The following SORCS3 variants were observed in gnomAD, a reference collection of about 807,000 sequenced individuals.
The protein encoded by SORCS3 is VPS10 domain-containing receptor SorCS3.
Under a neutral mutation model 146.3 loss-of-function variants are expected in SORCS3, and 57 were observed. The observed-to-expected ratio is 0.39, with a 90% CI of 0.31 to 0.49. The LOEUF (loss-of-function observed/expected upper bound fraction) is 0.49, where lower values mean the gene tolerates loss of function less well. SORCS3 is among the 20% of genes least tolerant of loss of function. The probability of loss-of-function intolerance (pLI) is 0.92; values close to 1 mark genes in which losing one functional copy is unlikely to be tolerated. For synonymous variants in SORCS3, 653 were observed against 618.5 expected, an observed-to-expected ratio of 1.06 and a Z score of -0.83; for missense variants, 1,341 against 1,575.5, an observed-to-expected ratio of 0.85 and a Z score of 2.52.
intron 1 of SORCS3, among the ~76,000 whole-genome samples, chr10:104,770,075 A>G (rs985815510): frequency 2.0e-5 from 3 of 152,186 alleles, no homozygotes; most frequent in Admixed American, 6.5e-5. Flanking sequence ...ATATCCAACT[A>G]TTAAAAAGTT....
chr10:104,807,212 C>T lies in SORCS3; in HGVS notation c.628-35580C>T, dbSNP rs932708702. 4.0e-5 allele frequency among the ~76,000 whole-genome samples: 6 copies of T among 151,452 alleles called. No individual in the cohort carries two copies. In the South Asian group the frequency reaches 6.3e-4, roughly 16 times the overall value. On this transcript the variant is annotated intron_variant, in intron 1 of 26. Transcript: ENST00000369701. Reference sequence around the variant, plus strand: ...GTGTGTGTGCGCATGTGTGTGTGTGCGTGTGTGTGCATGCATGCGTGCGCA... The same window carrying T: ...GTGTGTGTGCGCATGTGTGTGTGTGTGTGTGTGTGCATGCATGCGTGCGCA...
intron 4 of SORCS3, among the ~76,000 whole-genome samples, chr10:104,995,162 C>CT (rs1260330772): frequency 1.5e-3 from 187 of 121,850 alleles, no homozygotes; most frequent in African/African-American, 6.2e-3. Flanking sequence ...TTCTTTCTTT[C>CT]TCTTTTTTTT....
chr10:104,641,313 G>T lies in SORCS3; in HGVS notation c.-15G>T, dbSNP rs1373316880. On this transcript the variant is annotated 5_prime_UTR_variant, in exon 1 of 27. Transcript: ENST00000369701. This position sits in a 1 kb window ranked among gnomAD's most constrained non-coding sequence, Gnocchi z 6.4. ...CCACACACTCGGCAGCCCGAGCCGC[G>T]GTAGCCGCAGCGGGATGGAGGCGGC... is the stretch of plus-strand genomic sequence containing the variant. 1.6e-6 allele frequency: 2 copies of T among 1,282,798 alleles called. No homozygotes were observed. Among genetic ancestry groups the T allele is most frequent in the Non-Finnish European group, 2.0e-6 (2 of 1,018,398 alleles). 79.5% of individuals were successfully genotyped at this position (1,282,798 alleles called of 1,614,324 possible).
chr10:105,097,946 T>A (rs1288430414), intron 6 of SORCS3, among the ~76,000 whole-genome samples: 1 of 152,216 alleles, frequency 6.6e-6, no homozygotes, highest in Non-Finnish European at 1.5e-5. Context: ...CCGTCCTTTG[T>A]TTTCTTCTCA....
chr10:104,831,795 C>T (rs1383482296), intron 1 of SORCS3, among the ~76,000 whole-genome samples: 1 of 152,086 alleles, frequency 6.6e-6, no homozygotes, highest in Non-Finnish European at 1.5e-5. Flanking sequence ...TGCTGGGTCA[C>T]AGAACAGTCA....
intron 1 of SORCS3, among the ~76,000 whole-genome samples, chr10:104,827,377 A>G (rs1038202387): frequency 6.6e-6 from 1 of 152,218 alleles, no homozygotes; most frequent in Admixed American, 6.5e-5. Flanking sequence ...GATAGCAGGC[A>G]TAAAAACAAC....
intron 4 of SORCS3, among the ~76,000 whole-genome samples, chr10:105,015,825 G>A (rs2055162079): frequency 6.6e-6 from 1 of 151,962 alleles, no homozygotes; most frequent in South Asian, 2.1e-4. Context: ...CACCTCCCGG[G>A]TTTAAGCGAT....
At chr10:105,115,040 C>T (rs1038221577) in intron 7 of SORCS3, among the ~76,000 whole-genome samples, 1 of 152,016 alleles carries the variant, frequency 6.6e-6, no homozygotes, top group Non-Finnish European at 1.5e-5. Context: ...CTTGTTGAGC[C>T]CTAGAAGTAT....
At chr10:104,824,027 G>A (rs148237568) in intron 1 of SORCS3, among the ~76,000 whole-genome samples, 78 of 152,268 alleles carry the variant, frequency 5.1e-4, no homozygotes, top group African/African-American at 1.6e-3. Flanking sequence ...AACTGTAGAA[G>A]CTGGGAAAAG....
chr10:104,943,218 C>A (rs2019337799), intron 3 of SORCS3, among the ~76,000 whole-genome samples: 2 of 152,142 alleles, frequency 1.3e-5, no homozygotes, highest in South Asian at 4.1e-4. Flanking sequence ...CAACATCCGC[C>A]TCTTAAGTTC....
chr10:104,739,057 C>T (rs1172980599), intron 1 of SORCS3, among the ~76,000 whole-genome samples: 1 of 152,106 alleles, frequency 6.6e-6, no homozygotes, highest in African/African-American at 2.4e-5. Context: ...ACAAGGAAGC[C>T]ATTGGCTATG....
chr10:104,855,609 T>C (rs1323901414), intron 2 of SORCS3, among the ~76,000 whole-genome samples: 1 of 152,224 alleles, frequency 6.6e-6, no homozygotes, highest in Non-Finnish European at 1.5e-5. Flanking sequence ...TTAATTTCAG[T>C]TTTCACATAT....
chr10:105,097,876 A>T (rs2055757701), intron 6 of SORCS3, among the ~76,000 whole-genome samples: 1 of 152,182 alleles, frequency 6.6e-6, no homozygotes, highest in Non-Finnish European at 1.5e-5. Context: ...TGGGCAAAAC[A>T]TTCGAAGCAT....
intron 5 of SORCS3, among the ~76,000 whole-genome samples, chr10:105,085,441 G>C (rs1048047048): frequency 6.6e-6 from 1 of 152,214 alleles, no homozygotes; most frequent in African/African-American, 2.4e-5. Context: ...GGACAGAGCA[G>C]TTTTGAAGTA....
chr10:105,053,469 C>T (rs1256090662), intron 5 of SORCS3, among the ~76,000 whole-genome samples: 1 of 151,710 alleles, frequency 6.6e-6, no homozygotes, highest in Admixed American at 6.6e-5. Flanking sequence ...CACAATATAT[C>T]TCATAATCAT....
chr10:105,218,412 A>C (rs1589693558), intron 19 of SORCS3, among the ~76,000 whole-genome samples: 1 of 152,298 alleles, frequency 6.6e-6, no homozygotes, highest in East Asian at 1.9e-4. Context: ...TGTGCAAGGC[A>C]CTCTGCTAGG....
chr10:104,673,541 G>A (rs1030334542), intron 1 of SORCS3, among the ~76,000 whole-genome samples: 5 of 151,860 alleles, frequency 3.3e-5, no homozygotes, highest in African/African-American at 1.2e-4. Context: ...ATAGCTCACT[G>A]CAGCCTTGAA....
chr10:104,763,035 G>A (rs774425732), intron 1 of SORCS3, among the ~76,000 whole-genome samples: 3 of 152,174 alleles, frequency 2.0e-5, no homozygotes, highest in Non-Finnish European at 2.9e-5. Flanking sequence ...TGTACAGCCA[G>A]AAGTGAGAAC....
rs2055777689 is a variant in SORCS3 at position 105,100,658 on chromosome 10, A to G, written c.1094-4739A>G. Reference sequence around the variant, plus strand: ...TCCGAACATCCATTGCACTTAAGGTAAACGATGATTTAAATTCAGAATATG... The same window carrying G: ...TCCGAACATCCATTGCACTTAAGGTGAACGATGATTTAAATTCAGAATATG... On this transcript the variant is annotated intron_variant, in intron 6 of 26. Transcript: ENST00000369701. Among the ~76,000 whole-genome samples the G allele has an allele frequency of 2.6e-5, 4 of 152,368 alleles. No individual in the cohort carries two copies. In the South Asian group the frequency reaches 6.2e-4, roughly 24 times the overall value.
Sources: allele counts gnomAD v4.1 joint callset (sites outside exome capture counted in the v4.1 genomes callset), GRCh38; gene constraint gnomAD v4.1.1; non-coding constraint Gnocchi (gnomAD v3.1); transcripts MANE v1.5; gene names NCBI Gene and HGNC (gene_info 2026-07-23, HGNC 2026-07-21).